Variants in PRDX4 observed in about 807,000 individuals in gnomAD.
PRDX4 encodes the protein peroxiredoxin-4.
A neutral mutation model predicts 20.5 loss-of-function variants in PRDX4; 12 were observed. That is an observed-to-expected ratio of 0.58 (90% CI 0.37 to 0.95). The LOEUF is 0.95. PRDX4 is among the 40% of genes least tolerant of loss of function. PRDX4 has a pLI of 0.01. For missense variants in PRDX4, 180 were observed against 207.3 expected (o/e 0.87, Z 0.81); for synonymous variants, 99 against 87.5 (o/e 1.13, Z -0.73).
At chrX:23,674,678 TAAATA>T (rs1927909681) in intron 2 of PRDX4, among the ~76,000 whole-genome samples, 1 of 111,692 alleles carries the variant, frequency 9.0e-6, no homozygotes, top group Non-Finnish European at 1.9e-5. Flanking sequence ...AAGGTATTAT[TAAATA>T]AAAGTAATAA....
intron 3 of PRDX4, among the ~76,000 whole-genome samples, chrX:23,677,661 TCAAGG>T (rs1390268021): frequency 8.9e-6 from 1 of 112,091 alleles, no homozygotes; most frequent in African/African-American, 3.2e-5. Flanking sequence ...GCCTGTCTGT[TCAAGG>T]CTTTATCTTA....
At chrX:23,672,615 G>A (rs985161183) in intron 2 of PRDX4, among the ~76,000 whole-genome samples, 4 of 112,410 alleles carry the variant, frequency 3.6e-5, no homozygotes, top group Admixed American at 2.8e-4. Flanking sequence ...ACCAAAAAGA[G>A]TTATGTCAAT....
chrX:23,668,309 T>A (rs766161704), intron 1 of PRDX4, among the ~76,000 whole-genome samples: 1 of 112,529 alleles, frequency 8.9e-6, no homozygotes, highest in Non-Finnish European at 1.9e-5. Context: ...ACAAAGATTA[T>A]TACTGAAAGC....
chrX:23,672,259 A>G (rs1161955209), intron 2 of PRDX4, among the ~76,000 whole-genome samples: 1 of 112,235 alleles, frequency 8.9e-6, no homozygotes, highest in Non-Finnish European at 1.9e-5. Flanking sequence ...CTCCATCTCA[A>G]AAAGAAAAGA....
chrX:23,685,952 G>A, intron 6 of PRDX4: 1 of 286,931 alleles, frequency 3.5e-6, no homozygotes. Context: ...GATTTTAAAA[G>A]TACATTAACA....
Position 23,667,541 on chromosome X carries a change from C to G in PRDX4, c.-30C>G. ...GCGGCGGCAGAAGCGGCGCTCGCGCCAAGGGACGTGTTTCTGCGCTCGCGT... is the reference window on the plus strand; with the variant it reads ...GCGGCGGCAGAAGCGGCGCTCGCGCGAAGGGACGTGTTTCTGCGCTCGCGT... On this transcript the variant is annotated 5_prime_UTR_variant, in exon 1 of 7. Coordinates refer to ENST00000379341, the MANE Select transcript of PRDX4 (RefSeq NM_006406.2). The G allele has an allele frequency of 1.7e-6, 2 of 1,159,537 alleles. No homozygotes were observed. The highest frequency in any genetic ancestry group is 5.1e-5 in the Admixed American group (2 of 39,178).
intron 3 of PRDX4, among the ~76,000 whole-genome samples, chrX:23,677,609 A>G (rs1165122230): frequency 8.9e-6 from 1 of 111,886 alleles, no homozygotes; most frequent in African/African-American, 3.2e-5. Flanking sequence ...TGGACTTTGC[A>G]TTTGTCTCTC....
At chrX:23,678,974 T>C (rs761179570) in intron 3 of PRDX4, among the ~76,000 whole-genome samples, 191 bp from the exon 4 acceptor site, 1 of 112,194 alleles carries the variant, frequency 8.9e-6, no homozygotes, top group South Asian at 3.7e-4. Context: ...TGTATATATA[T>C]TTTTAATGTT....
At chrX:23,681,990 G>T (rs749900810) in intron 4 of PRDX4, among the ~76,000 whole-genome samples, 1 of 112,117 alleles carries the variant, frequency 8.9e-6, no homozygotes, top group Non-Finnish European at 1.9e-5. Flanking sequence ...GCAGTGAGCC[G>T]AGATCATGCC....
chrX:23,670,385 G>T (rs151208937), intron 1 of PRDX4, among the ~76,000 whole-genome samples: 1,131 of 111,344 alleles, frequency 0.01, 26 homozygotes, highest in African/African-American at 0.035. Flanking sequence ...TACCTAATCA[G>T]ATCAGGATTA....
At chrX:23,685,195 G>A (rs1928159839) in intron 6 of PRDX4, among the ~76,000 whole-genome samples, 1 of 111,726 alleles carries the variant, frequency 9.0e-6, no homozygotes, top group African/African-American at 3.3e-5. Flanking sequence ...TGTACTTCTT[G>A]GGAGCTCTCA....
chrX:23,679,453 G>A lies in PRDX4; in HGVS notation c.599+166G>A, dbSNP rs764656789. On this transcript the variant is annotated intron_variant, in intron 4 of 6. Transcript: ENST00000379341. Reference sequence around the variant, plus strand: ...TAATCCTGGCACTTTGGGAGGCCACGGTGGGCAGATTACTTGAGGTCAGGA... The same window carrying A: ...TAATCCTGGCACTTTGGGAGGCCACAGTGGGCAGATTACTTGAGGTCAGGA... Among the ~76,000 whole-genome samples, 8 of 111,681 alleles carry A rather than the reference G, an allele frequency of 7.2e-5. No homozygotes were observed. In the South Asian group the frequency reaches 1.5e-3, roughly 21 times the overall value.
chrX:23,686,126 C>T, intron 6 of PRDX4, 159 bp from the exon 7 acceptor site: 3 of 468,189 alleles, frequency 6.4e-6, no homozygotes, highest in Admixed American at 7.2e-5. Flanking sequence ...TTGGAATAGC[C>T]GAAATTAGTA....
chrX:23,675,379 A>G (rs979421554), intron 3 of PRDX4: 14 of 438,001 alleles, frequency 3.2e-5, no homozygotes, highest in Admixed American at 9.8e-5. Context: ...TGTGATTTCT[A>G]TAGCGAAAAC....
intron 3 of PRDX4, chrX:23,675,507 G>T: frequency 6.6e-6 from 1 of 151,067 alleles, no homozygotes; most frequent in Non-Finnish European, 1.3e-5. Context: ...TTACAATTTT[G>T]AAGAAACAAT....
chrX:23,675,374 T>A, intron 3 of PRDX4: 1 of 448,876 alleles, frequency 2.2e-6, no homozygotes. Context: ...ATAGATGTGA[T>A]TTCTATAGCG....
At chrX:23,680,739 A>AT (rs1202348347) in intron 4 of PRDX4, among the ~76,000 whole-genome samples, 24 of 107,249 alleles carry the variant, frequency 2.2e-4, no homozygotes, top group Non-Finnish European at 3.8e-4. Flanking sequence ...CAAAAAAAAA[A>AT]AAATAATTTT....
At position 23,674,987 on chromosome X, in the gene PRDX4, C is replaced by G. The variant is rs1439188353; in HGVS notation, c.360-3C>G. 1 of 1,192,473 alleles carries G rather than the reference C, an allele frequency of 8.4e-7. No individual in the cohort carries two copies. Among genetic ancestry groups the G allele is most frequent in the African/African-American group, 1.8e-5 (1 of 55,899 alleles). ...TGAATATTTTTTTTTTTTTACCTTT[C>G]AGCACATTTGTGTGTCCAACTGAAA... On this transcript the variant is annotated splice_polypyrimidine_tract_variant and splice_region_variant and intron_variant, in intron 2 of 6. Transcript: ENST00000379341.
In PRDX4 at chrX:23,674,989, G is replaced by A; in HGVS notation, c.360-1G>A. On this transcript the variant is annotated splice_acceptor_variant, in intron 2 of 6. Coordinates refer to ENST00000379341, the MANE Select transcript of PRDX4 (RefSeq NM_006406.2). LOFTEE classifies it high-confidence loss of function. ...AATATTTTTTTTTTTTTACCTTTCAGCACATTTGTGTGTCCAACTGAAATT... is the reference window on the plus strand; with the variant it reads ...AATATTTTTTTTTTTTTACCTTTCAACACATTTGTGTGTCCAACTGAAATT... 1.7e-6 allele frequency: 2 copies of A among 1,202,638 alleles called. No homozygotes were observed. The highest frequency in any genetic ancestry group is 2.2e-6 in the Non-Finnish European group (2 of 891,411).
Sources: gnomAD v4.1 joint callset for allele counts (sites outside exome capture counted in the v4.1 genomes callset) on GRCh38, gnomAD v4.1.1 for gene constraint, MANE v1.5 for transcripts, NCBI Gene and HGNC (gene_info 2026-07-23, HGNC 2026-07-21) for gene names.